The following TCERG1L variants were observed in gnomAD, a reference collection of about 807,000 sequenced individuals.
TCERG1L encodes transcription elongation regulator 1 like.
A neutral mutation model predicts 56.3 loss-of-function variants in TCERG1L; 37 were observed. That is an observed-to-expected ratio of 0.66 (90% CI 0.51 to 0.87). TCERG1L has a LOEUF of 0.87. Among genes scored for constraint, TCERG1L ranks in the 40% least tolerant of loss-of-function variants. The pLI, the probability that TCERG1L is intolerant of heterozygous loss-of-function variation, is 0.00. For synonymous variants in TCERG1L, 324 were observed against 326.3 expected (o/e 0.99, Z 0.08); for missense variants, 799 against 774.2 (o/e 1.03, Z -0.38).
At chr10:131,273,681 C>T (rs1846363693) in intron 3 of TCERG1L, among the ~76,000 whole-genome samples, 1 of 152,106 alleles carries the variant, frequency 6.6e-6, no homozygotes, top group South Asian at 2.1e-4. Flanking sequence ...GGAGACGCTG[C>T]CCACACCTAC....
At chr10:131,197,981 T>C (rs2133470310) in intron 4 of TCERG1L, among the ~76,000 whole-genome samples, 1 of 152,356 alleles carries the variant, frequency 6.6e-6, no homozygotes, top group African/African-American at 2.4e-5. Flanking sequence ...TGTAACATCA[T>C]TTTCTATAGT....
At chr10:131,278,212 C>G (rs1245223125) in intron 3 of TCERG1L, among the ~76,000 whole-genome samples, 1 of 152,126 alleles carries the variant, frequency 6.6e-6, no homozygotes, top group African/African-American at 2.4e-5. Flanking sequence ...GCATCCTCTC[C>G]TGGATCCTGC....
intron 4 of TCERG1L, among the ~76,000 whole-genome samples, chr10:131,218,855 C>G (rs1324681496): frequency 6.6e-6 from 1 of 152,184 alleles, no homozygotes; most frequent in Non-Finnish European, 1.5e-5. Context: ...GTCATGTGGC[C>G]TCTGCGGAGG....
chr10:131,222,644 TAGTG>T (rs1290725481), intron 4 of TCERG1L, among the ~76,000 whole-genome samples: 1 of 152,170 alleles, frequency 6.6e-6, no homozygotes, highest in Non-Finnish European at 1.5e-5. Context: ...GTCCAGGAGA[TAGTG>T]AGGGTATGGC....
At chr10:131,294,265 C>T (rs754113910) in intron 3 of TCERG1L, among the ~76,000 whole-genome samples, 1 of 152,130 alleles carries the variant, frequency 6.6e-6, no homozygotes, top group Non-Finnish European at 1.5e-5. Context: ...CTTCCTGAAG[C>T]CACCTGCTGT....
chr10:131,154,877 G>A (rs2133422994), intron 6 of TCERG1L, among the ~76,000 whole-genome samples: 1 of 152,362 alleles, frequency 6.6e-6, no homozygotes, highest in Non-Finnish European at 1.5e-5. Flanking sequence ...CCAGGCACCT[G>A]CCGCGTGACT....
intron 4 of TCERG1L, among the ~76,000 whole-genome samples, chr10:131,178,974 C>A (rs1845141397): frequency 6.6e-6 from 1 of 152,262 alleles, no homozygotes; most frequent in African/African-American, 2.4e-5. Flanking sequence ...CTCAGGGACA[C>A]ACTCCTACGT....
At chr10:131,302,534 G>A (rs1589778106) in intron 3 of TCERG1L, among the ~76,000 whole-genome samples, 2 of 151,582 alleles carry the variant, frequency 1.3e-5, no homozygotes, top group South Asian at 2.1e-4. Flanking sequence ...GCCATCTTTG[G>A]TAGGAGAAAA....
intron 3 of TCERG1L, among the ~76,000 whole-genome samples, chr10:131,265,324 C>T (rs1846274647): frequency 1.3e-5 from 2 of 152,170 alleles, no homozygotes; most frequent in South Asian, 4.1e-4. Context: ...ACTTTTTAAC[C>T]TGCTCTGAGA....
intron 4 of TCERG1L, among the ~76,000 whole-genome samples, chr10:131,194,865 C>T (rs1415386239): frequency 6.6e-6 from 1 of 152,214 alleles, no homozygotes; most frequent in Non-Finnish European, 1.5e-5. Flanking sequence ...CACATATTTA[C>T]ATACTGATCA....
chr10:131,181,741 G>C, intron 4 of TCERG1L, among the ~76,000 whole-genome samples: 1 of 152,248 alleles, frequency 6.6e-6, no homozygotes, highest in East Asian at 1.9e-4. Flanking sequence ...CTCGCCTCCT[G>C]AGCACACTCA....
chr10:131,292,248 A>G (rs1846636419), intron 3 of TCERG1L, among the ~76,000 whole-genome samples: 2 of 152,126 alleles, frequency 1.3e-5, no homozygotes. Context: ...TAGTTTTCTG[A>G]CTTTTTAAAT....
chr10:131,176,240 G>GCA (rs1291913235), intron 4 of TCERG1L, among the ~76,000 whole-genome samples: 2 of 151,106 alleles, frequency 1.3e-5, no homozygotes, highest in African/African-American at 4.9e-5. Flanking sequence ...AGATACCCGT[G>GCA]CACACACACA....
At chr10:131,212,836 G>C (rs1316205648) in intron 4 of TCERG1L, among the ~76,000 whole-genome samples, 1 of 152,214 alleles carries the variant, frequency 6.6e-6, no homozygotes, top group Non-Finnish European at 1.5e-5. Context: ...TTTAAAACAG[G>C]ACTGTGGATG....
At position 131,299,483 on chromosome 10, in the gene TCERG1L, A is replaced by G. The variant is rs533708516; in HGVS notation, c.670+8728T>C. ...TAAGTGTCTGCTGCTCTACTGTTTT[A>G]TATCTTTTGAAGATATATCTTTCGA... On this transcript the variant is annotated intron_variant, in intron 3 of 11. Coordinates refer to ENST00000368642, the MANE Select transcript of TCERG1L (RefSeq NM_174937.4). Among the ~76,000 whole-genome samples, 9 of 142,790 alleles carry G rather than the reference A, an allele frequency of 6.3e-5. No homozygotes were observed. The South Asian group carries it at 1.9e-3, about 30-fold the overall frequency. 93.7% of individuals were successfully genotyped at this position (142,790 alleles called of 152,430 possible).
chr10:131,309,260 G>T lies in TCERG1L; in HGVS notation c.382C>A (p.Pro128Thr), dbSNP rs766095745. The change falls in exon 2 of 12, where the codon CCC becomes ACC. Residue 128 changes from proline to threonine, a missense_variant. Transcript: ENST00000368642. ...GGHSPSLGLP[P>T]SSTVELVPVF... is the part of the protein sequence containing the mutation. ...GGCACCAGCTCCACTGTGGAAGAGG[G>T]GGGCAGTCCTAGGGACGGAGAATGG... 5.1e-5 allele frequency: 82 copies of T among 1,604,334 alleles called. No homozygotes were observed. Among genetic ancestry groups the T allele is most frequent in the Non-Finnish European group, 6.5e-5 (76 of 1,176,760 alleles).
At chr10:131,257,006 A>AAGGAAGGAAGGG in intron 4 of TCERG1L, among the ~76,000 whole-genome samples, 2 of 133,812 alleles carry the variant, frequency 1.5e-5, no homozygotes, top group African/African-American at 5.6e-5. Context: ...AGAAAGAAAG[A>AAGGAAGGAAGGG]AAGAAAGAAA....
chr10:131,143,829 A>G (rs1316655008), intron 7 of TCERG1L, among the ~76,000 whole-genome samples: 1 of 152,164 alleles, frequency 6.6e-6, no homozygotes, highest in African/African-American at 2.4e-5. Flanking sequence ...CTCAACTAAC[A>G]ACACAGTTAC....
At chr10:131,245,100 C>T (rs1428640676) in intron 4 of TCERG1L, among the ~76,000 whole-genome samples, 4 of 152,202 alleles carry the variant, frequency 2.6e-5, no homozygotes, top group African/African-American at 7.2e-5. Flanking sequence ...ACCCTGCCCC[C>T]GGCCACAGAT....
Sources: gnomAD v4.1 joint callset for allele counts (sites outside exome capture counted in the v4.1 genomes callset) on GRCh38, gnomAD v4.1.1 for gene constraint, MANE v1.5 for transcripts, NCBI Gene and HGNC (gene_info 2026-07-23, HGNC 2026-07-21) for gene names.